Variants in CTCF observed in about 807,000 individuals in gnomAD.
The protein encoded by CTCF is CCCTC-binding factor.
In CTCF, 7 loss-of-function variants were observed where a neutral mutation model predicts 72.3. The ratio of observed to expected loss-of-function variants is 0.10; its 90% confidence interval spans 0.06 to 0.18. The LOEUF (loss-of-function observed/expected upper bound fraction) is 0.18, where lower values mean the gene tolerates loss of function less well. CTCF is among the 10% of genes least tolerant of loss of function. The pLI is 1.00. For missense variants in CTCF, 516 were observed against 949.1 expected (o/e 0.54, Z 6.00); for synonymous variants, 374 against 315.8 (o/e 1.18, Z -1.95).
chr16:67,573,069 G>A (rs2051446589), intron 2 of CTCF, among the ~76,000 whole-genome samples: 1 of 150,800 alleles, frequency 6.6e-6, no homozygotes, highest in Admixed American at 6.7e-5. Flanking sequence ...TGGCCAACAT[G>A]GTGAAACCCC....
At chr16:67,617,381 C>A (rs1286118247) in intron 5 of CTCF, among the ~76,000 whole-genome samples, 1 of 152,128 alleles carries the variant, frequency 6.6e-6, no homozygotes, top group East Asian at 1.9e-4. Context: ...CACCTATAGT[C>A]CCAGCTACTC....
intron 1 of CTCF, among the ~76,000 whole-genome samples, chr16:67,566,597 G>C (rs1354966605): frequency 6.6e-6 from 1 of 150,538 alleles, no homozygotes; most frequent in African/African-American, 2.4e-5. Context: ...TTGTTTTGGA[G>C]ATGGAGTCTC....
chr16:67,584,486 G>A (rs1009642682), intron 2 of CTCF, among the ~76,000 whole-genome samples: 3 of 151,502 alleles, frequency 2.0e-5, no homozygotes, highest in Admixed American at 2.0e-4. Context: ...GATTACAGGC[G>A]TGGTGGAATT....
chr16:67,599,251 TG>T (rs780325758), intron 2 of CTCF, among the ~76,000 whole-genome samples: 46 of 152,194 alleles, frequency 3.0e-4, no homozygotes, highest in Non-Finnish European at 5.1e-4. Flanking sequence ...AAAAACTAGT[TG>T]GGCCTGGTGG....
At chr16:67,597,175 C>T (rs1269162064) in intron 2 of CTCF, among the ~76,000 whole-genome samples, 1 of 152,064 alleles carries the variant, frequency 6.6e-6, no homozygotes, top group African/African-American at 2.4e-5. Flanking sequence ...GCTGAGACCC[C>T]AGGCGCACAC....
At chr16:67,635,830 T>C (rs2052421468) in intron 10 of CTCF, among the ~76,000 whole-genome samples, 1 of 152,082 alleles carries the variant, frequency 6.6e-6, no homozygotes, top group African/African-American at 2.4e-5. Context: ...CTCACTATGT[T>C]ACCCAAGCTG....
chr16:67,619,093 G>T (rs184007702), intron 5 of CTCF, among the ~76,000 whole-genome samples: 2 of 152,176 alleles, frequency 1.3e-5, no homozygotes, highest in African/African-American at 2.4e-5. Context: ...AATTAGTAAC[G>T]CTGTTAGGAT....
intron 1 of CTCF, among the ~76,000 whole-genome samples, chr16:67,568,877 G>T (rs1015015805): frequency 1.3e-5 from 2 of 149,380 alleles, no homozygotes; most frequent in African/African-American, 4.9e-5. Context: ...TTGCTCTGTT[G>T]CCCAGGCTGG....
intron 11 of CTCF, 22 bp from the exon 12 acceptor site, chr16:67,637,666 T>C (rs1281645769): frequency 6.3e-7 from 1 of 1,596,012 alleles, no homozygotes; most frequent in African/African-American, 1.3e-5. Context: ...CCATTTGTTC[T>C]GTCTGTGCTC....
chr16:67,580,835 A>T (rs1017054683), intron 2 of CTCF, among the ~76,000 whole-genome samples: 2 of 146,164 alleles, frequency 1.4e-5, no homozygotes, highest in African/African-American at 2.6e-5. Context: ...AGGCTGGTCT[A>T]GAACTCCTGA....
chr16:67,580,067 AAATGGTGGGT>A, intron 2 of CTCF, among the ~76,000 whole-genome samples: 1 of 152,272 alleles, frequency 6.6e-6, no homozygotes, highest in African/African-American at 2.4e-5. Flanking sequence ...GCTGTGTGAA[AAATGGTGGGT>A]AATGGAGCAA....
At chr16:67,620,390 G>A (rs751524343) in intron 5 of CTCF, among the ~76,000 whole-genome samples, 1 of 151,968 alleles carries the variant, frequency 6.6e-6, no homozygotes, top group Non-Finnish European at 1.5e-5. Context: ...TAGTAGATAC[G>A]GGGTCTCACC....
At chr16:67,615,742 G>A (rs2052123906) in intron 4 of CTCF, 2 of 152,174 alleles carry the variant, frequency 1.3e-5, no homozygotes, top group Admixed American at 6.5e-5. Context: ...TAGATCCATA[G>A]TGGTTCTAAA....
intron 10 of CTCF, among the ~76,000 whole-genome samples, chr16:67,630,798 A>G (rs1377491408): frequency 5.3e-5 from 8 of 152,178 alleles, no homozygotes; most frequent in Non-Finnish European, 1.2e-4. Context: ...AGGGTGGAGG[A>G]ACAAGAGTCT....
At chr16:67,582,603 G>A (rs1359492448) in intron 2 of CTCF, among the ~76,000 whole-genome samples, 1 of 151,932 alleles carries the variant, frequency 6.6e-6, no homozygotes, top group Non-Finnish European at 1.5e-5. Flanking sequence ...TCAGGCACAA[G>A]AATCACTTGA....
Position 67,629,442 on chromosome 16 carries a change from C to T in CTCF, c.1746C>T (p.Gly582=), listed in dbSNP as rs1262338132. Residue 582 remains glycine (G), a synonymous_variant, in exon 10 of 12, where the codon GGC becomes GGT. Coordinates refer to ENST00000264010, the MANE Select transcript of CTCF (RefSeq NM_006565.4). ...CTGATAATTGTGCTGGCCCAGATGG[C>T]GTAGAGGGGGAAAATGGAGGAGAAA... The part of the protein sequence containing the change: ...RHADNCAGPD[G]VEGENGGETK... The T allele has an allele frequency of 3.7e-6, 6 of 1,608,380 alleles. No individual in the cohort carries two copies. The highest frequency in any genetic ancestry group is 1.7e-4 in the Middle Eastern group (1 of 6,030).
intron 5 of CTCF, among the ~76,000 whole-genome samples, chr16:67,618,746 A>G (rs1317764492): frequency 2.0e-5 from 3 of 152,250 alleles, no homozygotes; most frequent in Non-Finnish European, 2.9e-5. Flanking sequence ...AAGGTATGAA[A>G]TGGATTCTAA....
intron 2 of CTCF, among the ~76,000 whole-genome samples, chr16:67,589,251 T>G (rs1200762531): frequency 6.6e-6 from 1 of 152,066 alleles, no homozygotes; most frequent in Non-Finnish European, 1.5e-5. Flanking sequence ...AAGCTACGAT[T>G]ACACTACTGC....
intron 2 of CTCF, among the ~76,000 whole-genome samples, chr16:67,587,099 CA>C (rs1333952902): frequency 1.1e-4 from 14 of 127,630 alleles, no homozygotes; most frequent in Admixed American, 6.3e-4. Context: ...ACTTCTTAAA[CA>C]TTTTTTTTTT....
Sources: gnomAD v4.1 joint callset for allele counts (sites outside exome capture counted in the v4.1 genomes callset) on GRCh38, gnomAD v4.1.1 for gene constraint, MANE v1.5 for transcripts, NCBI Gene and HGNC (gene_info 2026-07-23, HGNC 2026-07-21) for gene names.